Variants in GPR39 observed in about 807,000 individuals in gnomAD.
The protein encoded by GPR39 is G protein-coupled receptor 39.
Under a neutral mutation model 18.4 loss-of-function variants are expected in GPR39, and 23 were observed. The observed-to-expected ratio is 1.25, with a 90% CI of 0.90 to 1.77. The LOEUF (loss-of-function observed/expected upper bound fraction) is 1.77, where lower values mean the gene tolerates loss of function less well. GPR39 is among the 40% of genes most tolerant of loss of function. The probability of loss-of-function intolerance (pLI) is 0.00; values close to 1 mark genes in which losing one functional copy is unlikely to be tolerated. For synonymous variants in GPR39, 280 were observed against 257.9 expected (o/e 1.09, Z -0.82); for missense variants, 647 against 602.4 (o/e 1.07, Z -0.78).
intron 1 of GPR39, among the ~76,000 whole-genome samples, chr2:132,421,687 C>G (rs539232162): frequency 6.6e-6 from 1 of 152,124 alleles, no homozygotes; most frequent in African/African-American, 2.4e-5. Context: ...AAATGAACTA[C>G]TCTAAAAATA....
intron 1 of GPR39, among the ~76,000 whole-genome samples, chr2:132,489,923 C>T (rs906171500): frequency 6.6e-6 from 1 of 151,718 alleles, no homozygotes; most frequent in African/African-American, 2.4e-5. Context: ...GGACACAGGC[C>T]CAGGAGCTTG....
chr2:132,626,402 T>C (rs569778836), intron 1 of GPR39, among the ~76,000 whole-genome samples: 4 of 152,332 alleles, frequency 2.6e-5, no homozygotes, highest in South Asian at 2.1e-4. Context: ...TGCTTTCACA[T>C]TGGCGAGATA....
chr2:132,454,402 A>G (rs1304668256), intron 1 of GPR39, among the ~76,000 whole-genome samples: 1 of 152,222 alleles, frequency 6.6e-6, no homozygotes, highest in African/African-American at 2.4e-5. Flanking sequence ...GGGGTTTTCT[A>G]AATATACAAT....
chr2:132,517,909 C>T (rs1301801504), intron 1 of GPR39, among the ~76,000 whole-genome samples: 1 of 152,166 alleles, frequency 6.6e-6, no homozygotes, highest in African/African-American at 2.4e-5. Context: ...AAGTCAGAAA[C>T]ATATGTGGGT....
intron 1 of GPR39, among the ~76,000 whole-genome samples, chr2:132,573,663 A>ATG (rs776648726): frequency 8.6e-5 from 13 of 151,974 alleles, no homozygotes; most frequent in Non-Finnish European, 1.6e-4. Flanking sequence ...CTCCCATCTG[A>ATG]TGGATTGACT....
At chr2:132,584,053 C>T (rs1680677706) in intron 1 of GPR39, among the ~76,000 whole-genome samples, 1 of 151,858 alleles carries the variant, frequency 6.6e-6, no homozygotes, top group South Asian at 2.1e-4. Context: ...TAAGTTGCTG[C>T]AGGTAGGAAG....
intron 1 of GPR39, among the ~76,000 whole-genome samples, chr2:132,588,192 G>A (rs1170297783): frequency 6.6e-6 from 1 of 152,152 alleles, no homozygotes; most frequent in African/African-American, 2.4e-5. Context: ...AGCAATGTAT[G>A]GGTTAAAGAC....
intron 1 of GPR39, among the ~76,000 whole-genome samples, chr2:132,483,907 T>C (rs1681282374): frequency 1.3e-5 from 2 of 152,204 alleles, no homozygotes; most frequent in African/African-American, 4.8e-5. Flanking sequence ...GCTAGAAATA[T>C]GCTATCCCAG....
At chr2:132,638,900 C>T (rs1296864532) in intron 1 of GPR39, among the ~76,000 whole-genome samples, 1 of 152,168 alleles carries the variant, frequency 6.6e-6, no homozygotes, top group Admixed American at 6.5e-5. Flanking sequence ...CCCCACCCAC[C>T]CTTTTGTTGC....
intron 1 of GPR39, among the ~76,000 whole-genome samples, chr2:132,518,517 T>TG (rs1481892740): frequency 6.6e-6 from 1 of 152,246 alleles, no homozygotes; most frequent in African/African-American, 2.4e-5. Flanking sequence ...GCCCCGTTCA[T>TG]GGGCTCTGTG....
At chr2:132,516,240 C>T (rs545346307) in intron 1 of GPR39, among the ~76,000 whole-genome samples, 1 of 152,220 alleles carries the variant, frequency 6.6e-6, no homozygotes, top group East Asian at 1.9e-4. Flanking sequence ...TGAGGGGGTG[C>T]CTCTGAGGAA....
chr2:132,631,830 T>C (rs112566205), intron 1 of GPR39, among the ~76,000 whole-genome samples: 429 of 151,780 alleles, frequency 2.8e-3, no homozygotes, highest in Middle Eastern at 0.01. Context: ...TCTTCTTTTT[T>C]TTTTTTTTCT....
intron 1 of GPR39, among the ~76,000 whole-genome samples, chr2:132,623,916 C>T (rs748858926): frequency 2.6e-5 from 4 of 152,098 alleles, no homozygotes; most frequent in South Asian, 2.1e-4. Flanking sequence ...GAGGAGCAGC[C>T]CACTCCCTTG....
At chr2:132,460,623 GA>G (rs1047298466) in intron 1 of GPR39, among the ~76,000 whole-genome samples, 1 of 151,570 alleles carries the variant, frequency 6.6e-6, no homozygotes, top group African/African-American at 2.4e-5. Context: ...AATTAAAAAA[GA>G]AAAAAAGGTG....
chr2:132,514,851 C>T (rs780251778), intron 1 of GPR39, among the ~76,000 whole-genome samples: 1 of 152,174 alleles, frequency 6.6e-6, no homozygotes, highest in Non-Finnish European at 1.5e-5. Context: ...ATTGAACAAT[C>T]CTTTTTTCTC....
chr2:132,607,741 A>G (rs911945982), intron 1 of GPR39, among the ~76,000 whole-genome samples: 1 of 152,228 alleles, frequency 6.6e-6, no homozygotes, highest in Non-Finnish European at 1.5e-5. Flanking sequence ...CAAGCTGCAG[A>G]TGCAATAAAA....
At chr2:132,484,902 C>G (rs1472299601) in intron 1 of GPR39, among the ~76,000 whole-genome samples, 1 of 152,178 alleles carries the variant, frequency 6.6e-6, no homozygotes, top group East Asian at 1.9e-4. Flanking sequence ...CAAATCCTCT[C>G]TGGAGGAACT....
intron 1 of GPR39, among the ~76,000 whole-genome samples, chr2:132,445,886 G>T (rs556118088): frequency 6.6e-6 from 1 of 152,152 alleles, no homozygotes; most frequent in Non-Finnish European, 1.5e-5. Flanking sequence ...GGTCACCAGC[G>T]GGCTCAGGAG....
intron 1 of GPR39, among the ~76,000 whole-genome samples, chr2:132,449,807 G>C (rs537934804): frequency 1.3e-5 from 2 of 152,034 alleles, no homozygotes; most frequent in East Asian, 3.9e-4. Flanking sequence ...AGAATATAAA[G>C]GAATCTTGGA....
Sources: gnomAD v4.1 joint callset for allele counts (sites outside exome capture counted in the v4.1 genomes callset) on GRCh38, gnomAD v4.1.1 for gene constraint, MANE v1.5 for transcripts, NCBI Gene and HGNC (gene_info 2026-07-23, HGNC 2026-07-21) for gene names.